Variants in LCOR observed in about 807,000 individuals in gnomAD.
LCOR encodes ligand-dependent corepressor.
A neutral mutation model predicts 64.4 loss-of-function variants in LCOR; 14 were observed. The observed-to-expected ratio is 0.22, with a 90% CI of 0.14 to 0.34. The LOEUF (loss-of-function observed/expected upper bound fraction) is 0.34. Ranked by LOEUF, LCOR falls within the 10% of genes least tolerant of loss-of-function variation. The probability of loss-of-function intolerance (pLI) is 1.00; values close to 1 mark genes in which losing one functional copy is unlikely to be tolerated. For synonymous variants in LCOR, 643 were observed against 642.5 expected (o/e 1.00, Z -0.01); for missense variants, 1,686 against 1,765.3 (o/e 0.96, Z 0.80).
chr10:96,860,366 A>G (rs940640231), intron 2 of LCOR, among the ~76,000 whole-genome samples: 1 of 152,210 alleles, frequency 6.6e-6, no homozygotes, highest in South Asian at 2.1e-4. Context: ...GGATACAGAC[A>G]CGGAAGATGG....
intron 2 of LCOR, among the ~76,000 whole-genome samples, chr10:96,856,495 T>TGC (rs1845806931): frequency 6.6e-6 from 1 of 150,556 alleles, no homozygotes; most frequent in Non-Finnish European, 1.5e-5. Context: ...CTTCCTTTAT[T>TGC]TCTCTCTCTC....
intron 2 of LCOR, among the ~76,000 whole-genome samples, chr10:96,849,061 CTTTTTTTTTTTT>C (rs67974828): frequency 1.6e-3 from 55 of 33,838 alleles, no homozygotes; most frequent in Admixed American, 3.6e-3. Flanking sequence ...GGCTAATTGT[CTTTTTTTTTTTT>C]TTTTTTTTTT....
chr10:96,901,855 C>T (rs936108682), intron 2 of LCOR, among the ~76,000 whole-genome samples: 1 of 152,134 alleles, frequency 6.6e-6, no homozygotes. Flanking sequence ...CTGCACCTTA[C>T]ACCTCCTGGG....
chr10:96,898,973 A>G (rs1297964397), intron 2 of LCOR, among the ~76,000 whole-genome samples: 1 of 152,202 alleles, frequency 6.6e-6, no homozygotes, highest in African/African-American at 2.4e-5. Context: ...AGTAAAATGA[A>G]TAGGACTCAA....
rs1248620356 is a variant in LCOR, at chr10:96,981,271, C to T, written c.811C>T (p.Leu271Phe). 1 of 1,189,350 alleles carries T rather than the reference C, an allele frequency of 8.4e-7. No individual in the cohort carries two copies. Among genetic ancestry groups the T allele is most frequent in the Non-Finnish European group, 1.2e-6 (1 of 808,038 alleles). 73.7% of individuals were successfully genotyped at this position (1,189,350 alleles called of 1,614,324 possible). ...SSVDSFTPGY[L>F]TASNCSSVNF... ...AGTGGATAGTTTCACTCCGGGATAC[C>T]TCACTGCATCTAATTGTTCCTCAGT... is the stretch of plus-strand genomic sequence containing the variant. Residue 271 changes from leucine to phenylalanine, a missense_variant, in exon 8 of 8, where the codon CTC (leucine) becomes TTC (phenylalanine). Physicochemically the swap from Leu to Phe is conservative, Grantham distance 22 (BLOSUM62 0). This residue lies in a region of LCOR where 313 missense variants were observed against 247.2 expected (regional missense o/e 1.27). Coordinates refer to ENST00000421806, the MANE Select transcript of LCOR (RefSeq NM_001346516.2).
In LCOR at chr10:96,983,519, G is replaced by A; in HGVS notation, c.3059G>A (p.Ser1020Asn). 6.2e-7 allele frequency: 1 copy of A among 1,614,128 alleles called. No individual in the cohort carries two copies. Among genetic ancestry groups the A allele is most frequent in the South Asian group, 1.1e-5 (1 of 91,088 alleles). ...CSSLGLSSSGSGDAARAPKSV... is the reference protein window; with the variant it reads ...CSSLGLSSSGNGDAARAPKSV... ...TCTCTTGGGTTGTCGAGTAGTGGAAGTGGTGATGCTGCTAGGGCACCAAAA... is the reference window on the plus strand; with the variant it reads ...TCTCTTGGGTTGTCGAGTAGTGGAAATGGTGATGCTGCTAGGGCACCAAAA... Residue 1020 changes from serine (S) to asparagine (N), a missense_variant, in exon 8 of 8, where the codon AGT becomes AAT. Coordinates refer to ENST00000421806, the MANE Select transcript of LCOR (RefSeq NM_001346516.2). This position sits in a 1 kb window ranked among gnomAD's most constrained non-coding sequence, Gnocchi z 4.5.
intron 4 of LCOR, among the ~76,000 whole-genome samples, chr10:96,910,889 T>C (rs901741061): frequency 6.6e-6 from 1 of 152,196 alleles, no homozygotes; most frequent in African/African-American, 2.4e-5. Context: ...GCAAATACAT[T>C]ATTTATATTT....
chr10:96,835,684 A>G (rs1459387916), intron 2 of LCOR, among the ~76,000 whole-genome samples: 1 of 152,164 alleles, frequency 6.6e-6, no homozygotes, highest in East Asian at 1.9e-4. Flanking sequence ...CTTTAGGGTC[A>G]TTTGGTTTCT....
At chr10:96,941,696 C>T (rs1847483925) in intron 4 of LCOR, among the ~76,000 whole-genome samples, 1 of 150,748 alleles carries the variant, frequency 6.6e-6, no homozygotes, top group Admixed American at 6.6e-5. Flanking sequence ...GGGGCGGTTG[C>T]TAGGCAGAGG....
chr10:96,873,050 A>G (rs1014599895), intron 2 of LCOR, among the ~76,000 whole-genome samples: 1 of 148,148 alleles, frequency 6.8e-6, no homozygotes, highest in Non-Finnish European at 1.5e-5. Context: ...TAGGGTGAGC[A>G]AAGGGCTAAA....
chr10:96,877,161 A>AGCCATTT (rs1310245203), intron 2 of LCOR, among the ~76,000 whole-genome samples: 2 of 152,178 alleles, frequency 1.3e-5, no homozygotes, highest in Admixed American at 6.6e-5. Flanking sequence ...AAAATAAACT[A>AGCCATTT]TCTTAAAAAA....
At chr10:96,909,059 T>G (rs1846782909) in intron 4 of LCOR, among the ~76,000 whole-genome samples, 1 of 152,144 alleles carries the variant, frequency 6.6e-6, no homozygotes, top group Admixed American at 6.5e-5. Context: ...TGACCAGATT[T>G]TATCAGTTTT....
rs1846338133 is a variant in LCOR, at chr10:96,886,044, A to AT, written c.-329-21214dup. ...GGGCATGCGCCACCATGTCCTGCTA[A>AT]TTTTTTTATTTCTAGTAGAGACGAG... On this transcript the variant is annotated intron_variant, in intron 2 of 7. Coordinates refer to ENST00000421806, the MANE Select transcript of LCOR (RefSeq NM_001346516.2). 2.6e-5 allele frequency among the ~76,000 whole-genome samples: 4 copies of AT among 152,052 alleles called. No homozygotes were observed. In the East Asian group the frequency reaches 7.8e-4, roughly 29 times the overall value.
At chr10:96,899,964 G>A (rs913628181) in intron 2 of LCOR, among the ~76,000 whole-genome samples, 12 of 152,060 alleles carry the variant, frequency 7.9e-5, no homozygotes, top group Non-Finnish European at 1.5e-4. Context: ...CCTATTTTAA[G>A]TGTGCAGTTC....
intron 4 of LCOR, among the ~76,000 whole-genome samples, chr10:96,908,909 G>A (rs1846779088): frequency 6.6e-6 from 1 of 151,820 alleles, no homozygotes; most frequent in Admixed American, 6.6e-5. Context: ...TAGAGACGGG[G>A]TTTCACTGTG....
chr10:96,917,910 T>G (rs917516826), intron 4 of LCOR, among the ~76,000 whole-genome samples: 10 of 152,096 alleles, frequency 6.6e-5, no homozygotes, highest in African/African-American at 2.4e-4. Flanking sequence ...AGGGAAAGTT[T>G]TGGTGCAGTG....
In LCOR at chr10:96,874,147, A is replaced by G. The variant is rs923725830; in HGVS notation, c.-329-33118A>G. Reference sequence around the variant, plus strand: ...TATATATCGCGTGCTATAAAACTCTATTAGATATTTTGTAGCTTTAGTAGA... The same window carrying G: ...TATATATCGCGTGCTATAAAACTCTGTTAGATATTTTGTAGCTTTAGTAGA... On this transcript the variant is annotated intron_variant, in intron 2 of 7. Transcript: ENST00000421806. 1.3e-5 allele frequency among the ~76,000 whole-genome samples: 2 copies of G among 152,364 alleles called. 1 individual carries two copies.
intron 2 of LCOR, among the ~76,000 whole-genome samples, chr10:96,889,636 C>T (rs1846405654): frequency 6.6e-6 from 1 of 152,180 alleles, no homozygotes; most frequent in Non-Finnish European, 1.5e-5. Flanking sequence ...ATCTTTGTTG[C>T]TTCCTTAGAG....
At chr10:96,962,042 A>C (rs1198480714) in intron 7 of LCOR, 1 of 152,136 alleles carries the variant, frequency 6.6e-6, no homozygotes, top group Non-Finnish European at 1.5e-5. Flanking sequence ...TTATCTTCAG[A>C]GTCTTAGGTA....
Sources: allele counts gnomAD v4.1 joint callset (sites outside exome capture counted in the v4.1 genomes callset), GRCh38; gene constraint gnomAD v4.1.1; regional missense constraint gnomAD v4.1.1; non-coding constraint Gnocchi (gnomAD v3.1); transcripts MANE v1.5; gene names NCBI Gene and HGNC (gene_info 2026-07-23, HGNC 2026-07-21).